KCNIP4: variants seen among roughly 807,000 people sequenced by gnomAD.
KCNIP4 encodes the protein Kv channel-interacting protein 4.
A neutral mutation model predicts 34.0 loss-of-function variants in KCNIP4; 12 were observed. That is an observed-to-expected ratio of 0.35 (90% CI 0.23 to 0.57). KCNIP4 has a LOEUF of 0.57. KCNIP4 is among the 20% of genes least tolerant of loss of function. The probability of loss-of-function intolerance (pLI) is 0.83; values close to 1 mark genes in which losing one functional copy is unlikely to be tolerated. For missense variants in KCNIP4, 238 were observed against 311.7 expected, an observed-to-expected ratio of 0.76 and a Z score of 1.78; for synonymous variants, 124 against 102.2, an observed-to-expected ratio of 1.21 and a Z score of -1.29.
intron 1 of KCNIP4, among the ~76,000 whole-genome samples, chr4:21,015,938 T>A (rs1387372224): frequency 2.8e-5 from 4 of 144,220 alleles, no homozygotes; most frequent in Admixed American, 2.1e-4. Flanking sequence ...AAATTTTTTT[T>A]TATATATTAA....
chr4:20,847,018 T>C (rs570722807), intron 3 of KCNIP4, among the ~76,000 whole-genome samples: 1 of 152,156 alleles, frequency 6.6e-6, no homozygotes, highest in Non-Finnish European at 1.5e-5. Context: ...ATTTTCTGCA[T>C]CCTTCCTAAT....
chr4:21,787,275 A>C (rs1250159487), intron 1 of KCNIP4, among the ~76,000 whole-genome samples: 1 of 152,202 alleles, frequency 6.6e-6, no homozygotes, highest in Non-Finnish European at 1.5e-5. Flanking sequence ...ATATGCAATT[A>C]TTCTCAAGTT....
chr4:21,382,762 A>G (rs1376482132), intron 1 of KCNIP4, among the ~76,000 whole-genome samples: 1 of 152,200 alleles, frequency 6.6e-6, no homozygotes, highest in Non-Finnish European at 1.5e-5. Flanking sequence ...ACAAAATACC[A>G]GAAACTATAA....
At chr4:20,765,076 A>C (rs983226543) in intron 3 of KCNIP4, among the ~76,000 whole-genome samples, 7 of 152,178 alleles carry the variant, frequency 4.6e-5, no homozygotes, top group African/African-American at 1.7e-4. Context: ...TTTATTCAAT[A>C]AGTAGTTATT....
chr4:21,541,715 C>T (rs889319547), intron 1 of KCNIP4, among the ~76,000 whole-genome samples: 23 of 152,122 alleles, frequency 1.5e-4, no homozygotes, highest in African/African-American at 5.3e-4. Context: ...TAATCACCCT[C>T]ACTGTAGCTT....
chr4:21,853,875 G>C (rs191626792), intron 1 of KCNIP4, among the ~76,000 whole-genome samples: 123 of 152,298 alleles, frequency 8.1e-4, no homozygotes, highest in African/African-American at 2.8e-3. Flanking sequence ...GTCAAATAAA[G>C]AGTTTGGGGT....
intron 1 of KCNIP4, among the ~76,000 whole-genome samples, chr4:21,330,812 C>T (rs1298063922): frequency 3.9e-5 from 6 of 152,124 alleles, no homozygotes; most frequent in Non-Finnish European, 7.4e-5. Context: ...ACTCCAGCCT[C>T]AGTTGTTTCT....
chr4:21,651,873 G>GTA (rs1265298746), intron 1 of KCNIP4, among the ~76,000 whole-genome samples: 3 of 151,748 alleles, frequency 2.0e-5, no homozygotes, highest in East Asian at 3.9e-4. Context: ...ATACATCTAT[G>GTA]TATATATATA....
intron 1 of KCNIP4, among the ~76,000 whole-genome samples, chr4:21,291,517 C>T (rs970164631): frequency 3.3e-5 from 5 of 151,990 alleles, no homozygotes; most frequent in Admixed American, 1.3e-4. Flanking sequence ...TTACGGCTAA[C>T]ACAGACACAA....
intron 1 of KCNIP4, among the ~76,000 whole-genome samples, chr4:21,877,896 G>C (rs1292470820): frequency 6.6e-6 from 1 of 152,164 alleles, no homozygotes. Context: ...AATGTTCTGG[G>C]GTTGTGGACA....
At chr4:20,775,647 T>A (rs1038895805) in intron 3 of KCNIP4, among the ~76,000 whole-genome samples, 27 of 152,078 alleles carry the variant, frequency 1.8e-4, no homozygotes, top group African/African-American at 6.3e-4. Flanking sequence ...AGTTTGAGGC[T>A]GCAGTGAGCT....
At chr4:21,651,579 G>A (rs549383115) in intron 1 of KCNIP4, among the ~76,000 whole-genome samples, 32 of 152,284 alleles carry the variant, frequency 2.1e-4, no homozygotes, top group African/African-American at 6.7e-4. Context: ...CCAACCCTGG[G>A]TAAAGCCAAT....
At chr4:21,718,298 CTA>C (rs1192384358) in intron 1 of KCNIP4, among the ~76,000 whole-genome samples, 19 of 152,278 alleles carry the variant, frequency 1.2e-4, no homozygotes, top group African/African-American at 4.6e-4. Context: ...ATGTGAAACA[CTA>C]TGTTACCTAA....
intron 1 of KCNIP4, among the ~76,000 whole-genome samples, chr4:21,233,475 A>G (rs1344003142): frequency 6.6e-6 from 1 of 152,100 alleles, no homozygotes; most frequent in Non-Finnish European, 1.5e-5. Context: ...GTATATTTAT[A>G]GAATTGTTGC....
At chr4:21,352,985 T>C (rs1718172895) in intron 1 of KCNIP4, among the ~76,000 whole-genome samples, 1 of 152,176 alleles carries the variant, frequency 6.6e-6, no homozygotes, top group Non-Finnish European at 1.5e-5. Flanking sequence ...TAGCCTCCTC[T>C]GGTGATACCC....
At chr4:21,829,606 G>T (rs979695416) in intron 1 of KCNIP4, among the ~76,000 whole-genome samples, 3 of 151,920 alleles carry the variant, frequency 2.0e-5, no homozygotes, top group Non-Finnish European at 4.4e-5. Flanking sequence ...TTCAAATTAA[G>T]TTGTCCTCAG....
At chr4:21,578,424 C>T (rs1021766978) in intron 1 of KCNIP4, among the ~76,000 whole-genome samples, 2 of 150,826 alleles carry the variant, frequency 1.3e-5, no homozygotes, top group African/African-American at 4.9e-5. Context: ...CTTCTAAAGC[C>T]CAGTTTTTAT....
intron 2 of KCNIP4, among the ~76,000 whole-genome samples, chr4:20,853,309 C>T (rs1413110105): frequency 4.3e-5 from 6 of 139,896 alleles, no homozygotes; most frequent in African/African-American, 1.5e-4. Flanking sequence ...ACCAGTGGAA[C>T]AGAATAGATA....
chr4:21,247,711 C>A (rs1236085233), intron 1 of KCNIP4, among the ~76,000 whole-genome samples: 6 of 96,338 alleles, frequency 6.2e-5, no homozygotes, highest in African/African-American at 2.9e-4. Context: ...ATATAAAAAG[C>A]AAAGCAAAAG....
Sources: gnomAD v4.1 joint callset for allele counts (sites outside exome capture counted in the v4.1 genomes callset) on GRCh38, gnomAD v4.1.1 for gene constraint, MANE v1.5 for transcripts, NCBI Gene and HGNC (gene_info 2026-07-23, HGNC 2026-07-21) for gene names.